The following SHANK2 variants were observed in gnomAD, a reference collection of about 807,000 sequenced individuals.
SHANK2 encodes SH3 and multiple ankyrin repeat domains 2, also known as SH3 and multiple ankyrin repeat domains protein 2.
Under a neutral mutation model 133.7 loss-of-function variants are expected in SHANK2, and 43 were observed. That is an observed-to-expected ratio of 0.32 (90% CI 0.25 to 0.41). The LOEUF (loss-of-function observed/expected upper bound fraction) is 0.41, where lower values mean the gene tolerates loss of function less well. Among genes scored for constraint, SHANK2 ranks in the 10% least tolerant of loss-of-function variants. The pLI is 1.00. For missense variants in SHANK2, 1,994 were observed against 2,235.8 expected (o/e 0.89, Z 2.18); for synonymous variants, 1,017 against 952.8 (o/e 1.07, Z -1.24).
At chr11:71,118,074 C>T (rs1400143154) in intron 4 of SHANK2, among the ~76,000 whole-genome samples, 1 of 152,022 alleles carries the variant, frequency 6.6e-6, no homozygotes, top group Non-Finnish European at 1.5e-5. Flanking sequence ...ACCCATTAGG[C>T]GCTGGGAAGG....
At position 70,510,852 on chromosome 11, in the gene SHANK2, G is replaced by A. The variant is rs538427169; in HGVS notation, c.2062-7921C>T. ...AAGAGGAAGTGTGACTCCATTTTCC[G>A]GACAGAAGCTGCGCAGCCACATGAA... On this transcript the variant is annotated intron_variant, in intron 17 of 25. Transcript: ENST00000601538. 1.1e-4 allele frequency among the ~76,000 whole-genome samples: 16 copies of A among 152,294 alleles called. No homozygotes were observed. The South Asian group carries it at 2.5e-3, about 24-fold the overall frequency.
intron 6 of SHANK2, among the ~76,000 whole-genome samples, chr11:71,105,058 C>T (rs964803881): frequency 5.3e-5 from 8 of 152,160 alleles, no homozygotes; most frequent in African/African-American, 1.7e-4. Flanking sequence ...CCCACAATTG[C>T]CAAAAGCTGG....
At chr11:70,812,317 AG>A (rs1590710898) in intron 12 of SHANK2, among the ~76,000 whole-genome samples, 1 of 152,266 alleles carries the variant, frequency 6.6e-6, no homozygotes, top group East Asian at 1.9e-4. Flanking sequence ...ACACGGTTGC[AG>A]GCAGTGATTA....
intron 3 of SHANK2, 95 bp downstream of exon 3, chr11:71,147,025 C>T (rs1565478386): frequency 9.4e-7 from 1 of 1,065,004 alleles, no homozygotes; most frequent in Non-Finnish European, 1.3e-6. Flanking sequence ...GCAGTCAGGA[C>T]CGTGGGTCCG....
At chr11:70,568,068 G>A (rs1042756277) in intron 17 of SHANK2, among the ~76,000 whole-genome samples, 2 of 152,230 alleles carry the variant, frequency 1.3e-5, no homozygotes, top group African/African-American at 4.8e-5. Context: ...CAAAACTGCC[G>A]TGAGGCCAGC....
At chr11:70,866,607 G>A (rs917988212) in intron 11 of SHANK2, among the ~76,000 whole-genome samples, 2 of 152,102 alleles carry the variant, frequency 1.3e-5, no homozygotes, top group Admixed American at 6.5e-5. Context: ...TTGGGAATCC[G>A]AGGAGAGCAA....
At chr11:70,599,921 A>AAGAAAGAT (rs2060465367) in intron 17 of SHANK2, among the ~76,000 whole-genome samples, 6 of 61,222 alleles carry the variant, frequency 9.8e-5, no homozygotes, top group African/African-American at 4.0e-4. Flanking sequence ...GAAAGAAAGA[A>AAGAAAGAT]AGAAAGAAAG....
chr11:70,788,227 T>C (rs1555047131), intron 14 of SHANK2, among the ~76,000 whole-genome samples: 1 of 152,142 alleles, frequency 6.6e-6, no homozygotes, highest in East Asian at 1.9e-4. Flanking sequence ...CCTCATTGTG[T>C]CGTCTTCTTA....
At chr11:71,185,066 C>T (rs1953643088) in intron 2 of SHANK2, among the ~76,000 whole-genome samples, 1 of 152,214 alleles carries the variant, frequency 6.6e-6, no homozygotes, top group South Asian at 2.1e-4. Flanking sequence ...AGCCGATCAA[C>T]CATCTCAAAA....
At chr11:70,572,240 A>G (rs1554983245) in intron 17 of SHANK2, among the ~76,000 whole-genome samples, 1 of 152,196 alleles carries the variant, frequency 6.6e-6, no homozygotes, top group Non-Finnish European at 1.5e-5. Flanking sequence ...GCTCACTGCA[A>G]CGTCCACCTC....
At chr11:71,231,925 T>C (rs1404774514) in intron 1 of SHANK2, among the ~76,000 whole-genome samples, 1 of 151,130 alleles carries the variant, frequency 6.6e-6, no homozygotes, top group Non-Finnish European at 1.5e-5. Context: ...TATACACTAA[T>C]GTTTATAGCA....
chr11:70,954,927 G>T (rs797043000), intron 10 of SHANK2, among the ~76,000 whole-genome samples: 42 of 152,348 alleles, frequency 2.8e-4, no homozygotes, highest in African/African-American at 9.6e-4. Flanking sequence ...TCCACAGGAG[G>T]CCCTGCTTCG....
chr11:70,836,079 T>G (rs1166647275), intron 11 of SHANK2, among the ~76,000 whole-genome samples: 1 of 151,980 alleles, frequency 6.6e-6, no homozygotes, highest in Non-Finnish European at 1.5e-5. Context: ...TGGGTAGGAG[T>G]GTCGCTCCGT....
intron 17 of SHANK2, among the ~76,000 whole-genome samples, chr11:70,533,436 C>T (rs537613603): frequency 6.6e-6 from 1 of 152,006 alleles, no homozygotes; most frequent in South Asian, 2.1e-4. Flanking sequence ...TACAGAGACT[C>T]CTAGGTGCAA....
chr11:71,179,880 G>A (rs1165033124), intron 2 of SHANK2, among the ~76,000 whole-genome samples: 1 of 152,228 alleles, frequency 6.6e-6, no homozygotes, highest in African/African-American at 2.4e-5. Context: ...GGCGAAAGAT[G>A]TGAAAGATTT....
chr11:71,138,133 C>A (rs1952484372), intron 3 of SHANK2, among the ~76,000 whole-genome samples: 1 of 63,194 alleles, frequency 1.6e-5, no homozygotes, highest in South Asian at 4.8e-4. Flanking sequence ...ACCCCTGCAC[C>A]AGCCGCCCAG....
chr11:71,094,169 G>A (rs1322387781), intron 7 of SHANK2, among the ~76,000 whole-genome samples: 2 of 152,106 alleles, frequency 1.3e-5, no homozygotes, highest in Non-Finnish European at 2.9e-5. Flanking sequence ...CGGATTCTCA[G>A]GAATGGCTTA....
intron 8 of SHANK2, among the ~76,000 whole-genome samples, chr11:71,084,007 T>C (rs1277918141): frequency 6.7e-6 from 1 of 150,108 alleles, no homozygotes; most frequent in Non-Finnish European, 1.5e-5. Context: ...TCTTGCTCTG[T>C]CTCCCAGGCT....
At chr11:70,597,453 G>A (rs1554989816) in intron 17 of SHANK2, among the ~76,000 whole-genome samples, 3 of 152,232 alleles carry the variant, frequency 2.0e-5, no homozygotes, top group African/African-American at 2.4e-5. Flanking sequence ...TGGAGCTGGC[G>A]GCGGTAAGAT....
Sources: gnomAD v4.1 joint callset for allele counts (sites outside exome capture counted in the v4.1 genomes callset) on GRCh38, gnomAD v4.1.1 for gene constraint, MANE v1.5 for transcripts, NCBI Gene and HGNC (gene_info 2026-07-23, HGNC 2026-07-21) for gene names.